PDE3A: variants seen among roughly 807,000 people sequenced by gnomAD.
PDE3A encodes the protein cGMP-inhibited 3',5'-cyclic phosphodiesterase 3A.
Under a neutral mutation model 98.3 loss-of-function variants are expected in PDE3A, and 43 were observed. The ratio of observed to expected loss-of-function variants is 0.44; its 90% CI spans 0.34 to 0.56. The LOEUF (loss-of-function observed/expected upper bound fraction) is 0.56. Among genes scored for constraint, PDE3A ranks in the 20% least tolerant of loss-of-function variants. The probability of loss-of-function intolerance (pLI) is 0.01; values close to 1 mark genes in which losing one functional copy is unlikely to be tolerated. For missense variants in PDE3A, 1,427 were observed against 1,440.7 expected, an observed-to-expected ratio of 0.99 and a Z score of 0.15; for synonymous variants, 663 against 567.9, an observed-to-expected ratio of 1.17 and a Z score of -2.38.
At chr12:20,550,744 A>G (rs1273758364) in intron 1 of PDE3A, among the ~76,000 whole-genome samples, 2 of 152,020 alleles carry the variant, frequency 1.3e-5, no homozygotes, top group Non-Finnish European at 2.9e-5. Flanking sequence ...AGTAGCTTAA[A>G]ATTCATTAAA....
chr12:20,608,179 T>C (rs1001737980), intron 2 of PDE3A, among the ~76,000 whole-genome samples: 5 of 152,200 alleles, frequency 3.3e-5, no homozygotes, highest in African/African-American at 1.2e-4. Flanking sequence ...CACCATTTCA[T>C]GTGTGGTTAG....
chr12:20,686,581 A>G lies in PDE3A; in HGVS notation c.*6310A>G, dbSNP rs1945969700. Among the ~76,000 whole-genome samples, 1 of 152,174 alleles carries G rather than the reference A, an allele frequency of 6.6e-6. No individual in the cohort carries two copies. Among genetic ancestry groups the G allele is most frequent in the Admixed American group, 6.5e-5 (1 of 15,268 alleles). On this transcript the variant is annotated 3_prime_UTR_variant, in exon 16 of 16. Transcript: ENST00000359062. The stretch of plus-strand genomic sequence containing the variant: ...ATGGTTTAATATTTCCGTGTCATTG[A>G]AAGTTCCTATTTCAAATTAAACAAA...
At position 20,370,418 on chromosome 12, in the gene PDE3A, T is replaced by TC. The variant is rs1191412114; in HGVS notation, c.960+174_960+175insC. Among the ~76,000 whole-genome samples, 357 of 150,170 alleles carry TC rather than the reference T, an allele frequency of 2.4e-3. 3 individuals carry two copies. The highest frequency in any genetic ancestry group is 8.0e-3 in the African/African-American group (329 of 41,242). ...TTTTTTTGTTTTTTTTGTTTTTTTT[T>TC]TTTTGTTTTTTTGCCCTCTCTTTCA... On this transcript the variant is annotated intron_variant, in intron 1 of 15. Transcript: ENST00000359062.
chr12:20,389,849 T>C (rs1018311574), intron 1 of PDE3A, among the ~76,000 whole-genome samples: 17 of 152,030 alleles, frequency 1.1e-4, no homozygotes, highest in African/African-American at 4.1e-4. Context: ...TGACTTTTCC[T>C]TTTGATTTAT....
chr12:20,635,752 CAAAAA>C (rs11454612), intron 8 of PDE3A, among the ~76,000 whole-genome samples: 1 of 84,056 alleles, frequency 1.2e-5, no homozygotes, highest in Non-Finnish European at 2.4e-5. Context: ...CACTCTATCT[CAAAAA>C]AAAAAAAAAA....
chr12:20,393,070 G>T (rs899794188), intron 1 of PDE3A, among the ~76,000 whole-genome samples: 1 of 151,934 alleles, frequency 6.6e-6, no homozygotes, highest in Admixed American at 6.6e-5. Context: ...GCACAGCAGA[G>T]AAATTATAGT....
At chr12:20,673,342 A>G (rs1945542298) in intron 15 of PDE3A, among the ~76,000 whole-genome samples, 1 of 148,322 alleles carries the variant, frequency 6.7e-6, no homozygotes, top group African/African-American at 2.5e-5. Context: ...CAGCCATCCC[A>G]TTACTGGGTA....
At chr12:20,484,175 T>C (rs1945681182) in intron 1 of PDE3A, among the ~76,000 whole-genome samples, 2 of 152,244 alleles carry the variant, frequency 1.3e-5, no homozygotes, top group Non-Finnish European at 2.9e-5. Context: ...AATTCTGCAA[T>C]ACATACAAAT....
Position 20,646,609 on chromosome 12 carries a change from T to A in PDE3A, c.2365+6T>A. ...TGGTTCAACCAGTGATTCAGGTATG[T>A]ACGAAGTGAATCTGCACTGCCTTAT... On this transcript the variant is annotated splice_donor_region_variant and intron_variant, in intron 11 of 15. Transcript: ENST00000359062. 6.6e-7 allele frequency: 1 copy of A among 1,523,016 alleles called. No individual in the cohort carries two copies. The highest frequency in any genetic ancestry group is 9.1e-7 in the Non-Finnish European group (1 of 1,097,004). 94.3% of individuals were successfully genotyped at this position (1,523,016 alleles called of 1,614,324 possible). A position where few individuals can be genotyped will look rare whatever the true frequency, so the allele number is the denominator to read the frequency against.
intron 2 of PDE3A, among the ~76,000 whole-genome samples, chr12:20,591,228 T>G (rs1357538387): frequency 6.6e-6 from 1 of 152,200 alleles, no homozygotes; most frequent in African/African-American, 2.4e-5. Context: ...AAAATAAGTT[T>G]TTGATTGTAC....
chr12:20,538,196 G>A (rs1941800682), intron 1 of PDE3A, among the ~76,000 whole-genome samples: 1 of 152,126 alleles, frequency 6.6e-6, no homozygotes, highest in Non-Finnish European at 1.5e-5. Flanking sequence ...CTGTGTGTGT[G>A]TGTTTAGATT....
chr12:20,679,810 T>G (rs539976432), intron 15 of PDE3A, among the ~76,000 whole-genome samples: 26 of 150,886 alleles, frequency 1.7e-4, no homozygotes, highest in Admixed American at 5.3e-4. Context: ...TAATGATTAT[T>G]GCCATCTTCC....
At chr12:20,661,404 A>G (rs1194969693) in intron 15 of PDE3A, among the ~76,000 whole-genome samples, 4 of 152,242 alleles carry the variant, frequency 2.6e-5, no homozygotes, top group Non-Finnish European at 5.9e-5. Flanking sequence ...AAATTTGCAT[A>G]AGTAATGAGG....
rs1945412609 is a variant in PDE3A at position 20,470,139 on chromosome 12, C to G, written c.961-86521C>G. Among the ~76,000 whole-genome samples the G allele has an allele frequency of 2.0e-5, 3 of 151,880 alleles. No homozygotes were observed. In the South Asian group the frequency reaches 6.2e-4, roughly 31 times the overall value. ...ACTTGGATTGTTTTCTCTTACATAA[C>G]ACTAATCATTCAGTATCCTCCATTA... is the stretch of plus-strand genomic sequence containing the variant. On this transcript the variant is annotated intron_variant, in intron 1 of 15. Transcript: ENST00000359062.
intron 1 of PDE3A, among the ~76,000 whole-genome samples, chr12:20,534,418 A>T (rs1371769604): frequency 6.6e-6 from 1 of 152,184 alleles, no homozygotes; most frequent in Non-Finnish European, 1.5e-5. Flanking sequence ...AGGCGAGGTG[A>T]TTATGATCTA....
At chr12:20,485,609 G>C (rs1945713532) in intron 1 of PDE3A, among the ~76,000 whole-genome samples, 1 of 152,078 alleles carries the variant, frequency 6.6e-6, no homozygotes, top group Non-Finnish European at 1.5e-5. Context: ...TAAGAAAATG[G>C]ACTGAGATTT....
intron 9 of PDE3A, 29 bp downstream of exon 9, chr12:20,637,266 T>A: frequency 6.5e-7 from 1 of 1,536,692 alleles, no homozygotes. Flanking sequence ...CACACTAATT[T>A]AAATATAGGA....
intron 6 of PDE3A, among the ~76,000 whole-genome samples, chr12:20,630,935 G>T (rs1174523037): frequency 3.9e-5 from 6 of 152,058 alleles, no homozygotes; most frequent in Non-Finnish European, 4.4e-5. Flanking sequence ...GAATAAATGA[G>T]TAACTTGTTG....
At chr12:20,526,884 C>CTGTGTGTGTGTGTG (rs71039949) in intron 1 of PDE3A, among the ~76,000 whole-genome samples, 3 of 136,930 alleles carry the variant, frequency 2.2e-5, no homozygotes, top group East Asian at 4.5e-4. Context: ...ACATTTTTTT[C>CTGTGTGTGTGTGTG]TGTGTGTGTG....
Sources: gnomAD v4.1 joint callset for allele counts (sites outside exome capture counted in the v4.1 genomes callset) on GRCh38, gnomAD v4.1.1 for gene constraint, MANE v1.5 for transcripts, NCBI Gene and HGNC (gene_info 2026-07-23, HGNC 2026-07-21) for gene names.